Variants in HS6ST3 observed in about 807,000 individuals in gnomAD.
HS6ST3 encodes the protein heparan-sulfate 6-O-sulfotransferase 3.
HS6ST3 carries 12 observed loss-of-function variants against 36.7 expected under a neutral mutation model. The ratio of observed to expected loss-of-function variants is 0.33; its 90% CI spans 0.21 to 0.53. The LOEUF (loss-of-function observed/expected upper bound fraction) is 0.53, where lower values mean the gene tolerates loss of function less well. HS6ST3 is among the 20% of genes least tolerant of loss of function. HS6ST3 has a pLI of 0.95. For missense variants in HS6ST3, 584 were observed against 640.9 expected (o/e 0.91, Z 0.96); for synonymous variants, 240 against 257.5 (o/e 0.93, Z 0.65).
intron 1 of HS6ST3, among the ~76,000 whole-genome samples, chr13:96,756,586 C>A (rs966458): frequency 0.56 from 84,792 of 152,044 alleles, 25,453 homozygotes; most frequent in African/African-American, 0.8. Flanking sequence ...TCTGTGGATC[C>A]ATTTGAACAT....
At chr13:96,583,454 C>T (rs181161438) in intron 1 of HS6ST3, among the ~76,000 whole-genome samples, 71 of 151,788 alleles carry the variant, frequency 4.7e-4, no homozygotes, top group Non-Finnish European at 9.0e-4. Context: ...CCTCATGATC[C>T]GCCCACCTCG....
At chr13:96,405,930 C>T (rs1400110513) in intron 1 of HS6ST3, among the ~76,000 whole-genome samples, 4 of 152,150 alleles carry the variant, frequency 2.6e-5, no homozygotes, top group Non-Finnish European at 4.4e-5. Flanking sequence ...AAGGGAAATT[C>T]AGAGATTTGG....
intron 1 of HS6ST3, among the ~76,000 whole-genome samples, chr13:96,121,841 A>G (rs950864581): frequency 2.6e-5 from 4 of 152,072 alleles, no homozygotes; most frequent in African/African-American, 4.8e-5. Context: ...ATTACATGTT[A>G]CTCCATGTTG....
At chr13:96,617,984 AAACT>A (rs1332374281) in intron 1 of HS6ST3, among the ~76,000 whole-genome samples, 1 of 152,222 alleles carries the variant, frequency 6.6e-6, no homozygotes, top group Non-Finnish European at 1.5e-5. Flanking sequence ...CAATTAACTT[AAACT>A]GAAACTCAAT....
Position 96,507,850 on chromosome 13 carries a change from A to AT in HS6ST3, c.708-324638dup, listed in dbSNP as rs1254419674. ...ATTATACCATACACATCATTTTAAG[A>AT]TTAACTATTCAGTTGAATTTTACTT... On this transcript the variant is annotated intron_variant, in intron 1 of 1. Transcript: ENST00000376705. Among the ~76,000 whole-genome samples the AT allele has an allele frequency of 2.0e-5, 3 of 152,244 alleles. No homozygotes were observed. In the East Asian group the frequency reaches 5.8e-4, roughly 29 times the overall value.
chr13:96,416,000 G>A (rs753087725), intron 1 of HS6ST3, among the ~76,000 whole-genome samples: 19 of 152,240 alleles, frequency 1.2e-4, no homozygotes, highest in Middle Eastern at 3.4e-3. Context: ...GTCATCATTT[G>A]GGGCAGGAAA....
intron 1 of HS6ST3, among the ~76,000 whole-genome samples, chr13:96,477,729 G>A (rs1216238546): frequency 6.6e-6 from 1 of 152,026 alleles, no homozygotes; most frequent in Non-Finnish European, 1.5e-5. Context: ...AATCTGCCAG[G>A]TGTGTTGATG....
At chr13:96,645,805 A>C (rs2056586622) in intron 1 of HS6ST3, among the ~76,000 whole-genome samples, 1 of 151,848 alleles carries the variant, frequency 6.6e-6, no homozygotes, top group Non-Finnish European at 1.5e-5. Flanking sequence ...CTTAAAGGGG[A>C]GGAAATGCCA....
intron 1 of HS6ST3, among the ~76,000 whole-genome samples, chr13:96,146,524 A>G (rs543570539): frequency 1.3e-5 from 2 of 152,270 alleles, no homozygotes; most frequent in African/African-American, 4.8e-5. Context: ...ATATTTGAAT[A>G]TATTAGAAAA....
At chr13:96,508,969 A>G (rs954602350) in intron 1 of HS6ST3, among the ~76,000 whole-genome samples, 1 of 152,134 alleles carries the variant, frequency 6.6e-6, no homozygotes, top group Non-Finnish European at 1.5e-5. Context: ...TATTCCTACC[A>G]GTAGAATATA....
intron 1 of HS6ST3, among the ~76,000 whole-genome samples, chr13:96,439,837 G>T (rs937379975): frequency 3.3e-5 from 5 of 152,190 alleles, no homozygotes; most frequent in African/African-American, 1.2e-4. Flanking sequence ...TTCTGAATAC[G>T]AGAGGATTCT....
At chr13:96,760,502 T>G (rs967945636) in intron 1 of HS6ST3, among the ~76,000 whole-genome samples, 4 of 152,132 alleles carry the variant, frequency 2.6e-5, no homozygotes, top group Non-Finnish European at 5.9e-5. Context: ...AAAAATGCTT[T>G]GTATAAAGGT....
At chr13:96,595,073 C>T (rs1448634346) in intron 1 of HS6ST3, among the ~76,000 whole-genome samples, 1 of 152,084 alleles carries the variant, frequency 6.6e-6, no homozygotes. Context: ...TGAGACAAGG[C>T]CTCACTCTGT....
At chr13:96,212,959 A>G (rs75979631) in intron 1 of HS6ST3, among the ~76,000 whole-genome samples, 1,772 of 152,328 alleles carry the variant, frequency 0.012, 37 homozygotes, top group African/African-American at 0.041. Context: ...CACCAGCTAA[A>G]TTTATTAACT....
intron 1 of HS6ST3, among the ~76,000 whole-genome samples, chr13:96,144,890 A>G (rs2054049602): frequency 6.8e-6 from 1 of 146,372 alleles, no homozygotes; most frequent in Non-Finnish European, 1.5e-5. Flanking sequence ...GAGTGAGAAC[A>G]TGAGGTGTTT....
chr13:96,265,108 A>G (rs2054685247), intron 1 of HS6ST3, among the ~76,000 whole-genome samples: 1 of 152,128 alleles, frequency 6.6e-6, no homozygotes, highest in African/African-American at 2.4e-5. Context: ...AGAAAAAAGG[A>G]ATTACTCTTT....
intron 1 of HS6ST3, among the ~76,000 whole-genome samples, chr13:96,436,718 G>A (rs1362838221): frequency 6.6e-6 from 1 of 152,176 alleles, no homozygotes; most frequent in Non-Finnish European, 1.5e-5. Context: ...TAGCAAGAAG[G>A]TGGCTGTCTG....
chr13:96,299,907 A>G (rs938566545), intron 1 of HS6ST3, among the ~76,000 whole-genome samples: 5 of 152,048 alleles, frequency 3.3e-5, no homozygotes, highest in African/African-American at 1.2e-4. Context: ...AGGAGGTTTA[A>G]TTGACTCACA....
At chr13:96,826,110 G>A (rs1348935859) in intron 1 of HS6ST3, among the ~76,000 whole-genome samples, 1 of 152,134 alleles carries the variant, frequency 6.6e-6, no homozygotes, top group African/African-American at 2.4e-5. Flanking sequence ...AAGAAAACCA[G>A]TAAGTTTAAT....
Sources: allele counts gnomAD v4.1 joint callset (sites outside exome capture counted in the v4.1 genomes callset), GRCh38; gene constraint gnomAD v4.1.1; transcripts MANE v1.5; gene names NCBI Gene and HGNC (gene_info 2026-07-23, HGNC 2026-07-21).